Variants in SCRG1 observed in about 807,000 individuals in gnomAD.
SCRG1 encodes stimulator of chondrogenesis 1, also known as scrapie-responsive protein 1.
SCRG1 carries 3 observed loss-of-function variants against 7.7 expected under a neutral mutation model. The ratio of observed to expected loss-of-function variants is 0.39; its 90% CI spans 0.18 to 1.01. The LOEUF (loss-of-function observed/expected upper bound fraction) is 1.01. SCRG1 is among the 50% of genes least tolerant of loss of function. The probability of loss-of-function intolerance (pLI) is 0.36; values close to 1 mark genes in which losing one functional copy is unlikely to be tolerated. For synonymous variants in SCRG1, 46 were observed against 41.2 expected (o/e 1.12, Z -0.44); for missense variants, 110 against 117.2 (o/e 0.94, Z 0.28).
chr4:173,515,640 T>C, the SCRG1 span, among the ~76,000 whole-genome samples: 2 of 151,542 alleles, frequency 1.3e-5, no homozygotes, highest in Non-Finnish European at 2.9e-5. This position sits in a 1 kb window ranked among gnomAD's most constrained non-coding sequence, Gnocchi z 4.6. Context: ...GGTATGGAGG[T>C]CAGGCTGTGC....
the SCRG1 span, among the ~76,000 whole-genome samples, chr4:173,475,152 A>C: frequency 6.6e-6 from 1 of 152,180 alleles, no homozygotes; most frequent in Non-Finnish European, 1.5e-5. Flanking sequence ...AAGAGAAAAA[A>C]AAGAGCCTCT....
At chr4:173,485,382 C>G in the SCRG1 span, among the ~76,000 whole-genome samples, 1 of 149,730 alleles carries the variant, frequency 6.7e-6, no homozygotes, top group African/African-American at 2.5e-5. Flanking sequence ...CATGGCCCAG[C>G]TGACAGCCAA....
chr4:173,485,586 A>C, the SCRG1 span, among the ~76,000 whole-genome samples: 1 of 152,114 alleles, frequency 6.6e-6, no homozygotes. Context: ...ATAGTTTGTT[A>C]TACCATACTA....
intron 1 of SCRG1, among the ~76,000 whole-genome samples, chr4:173,396,503 C>A (rs1408371597): frequency 6.6e-6 from 1 of 152,154 alleles, no homozygotes; most frequent in Non-Finnish European, 1.5e-5. Flanking sequence ...AAGCAGAGTG[C>A]CTGCTTCAAT....
intron 1 of SCRG1, among the ~76,000 whole-genome samples, chr4:173,395,199 A>G (rs1004028371): frequency 6.6e-6 from 1 of 152,138 alleles, no homozygotes; most frequent in Non-Finnish European, 1.5e-5. Flanking sequence ...AATTTAAATG[A>G]TATATTTGTG....
At position 173,388,240 on chromosome 4, in the gene SCRG1, A is replaced by G; in HGVS notation, c.*101T>C. The G allele has an allele frequency of 1.5e-6, 1 of 653,602 alleles. No homozygotes were observed. The highest frequency in any genetic ancestry group is 2.6e-6 in the Non-Finnish European group (1 of 389,730). 40.5% of individuals were successfully genotyped at this position (653,602 alleles called of 1,614,324 possible). ...AGACAAGTAAGAATTTATAGAATCT[A>G]TGCTCTATTGCACTATATAGAAACT... is the stretch of plus-strand genomic sequence containing the variant. On this transcript the variant is annotated 3_prime_UTR_variant, in exon 3 of 3. Coordinates refer to ENST00000296506, the MANE Select transcript of SCRG1 (RefSeq NM_007281.4).
chr4:173,483,718 ATTG>A, the SCRG1 span, among the ~76,000 whole-genome samples: 253 of 1,520 alleles, frequency 0.17, 98 homozygotes, highest in Middle Eastern at 1. Context: ...GATATATTAT[ATTG>A]TGATATATCA....
At chr4:173,501,241 G>A in the SCRG1 span, among the ~76,000 whole-genome samples, 1 of 152,214 alleles carries the variant, frequency 6.6e-6, no homozygotes, top group Non-Finnish European at 1.5e-5. The surrounding 1 kb of genome is among the most constrained non-coding windows in gnomAD (Gnocchi z 5.1). Context: ...AAATGGTGAA[G>A]GAGATTGGCG....
At position 173,398,816 on chromosome 4, in the gene SCRG1, C is replaced by T. The variant is rs1392517171; in HGVS notation, c.-15+252G>A. ...AAATAAATGATAGTGAAGAATCTGC[C>T]TCTTTTTAAACCTGTAATGAAATGA... On this transcript the variant is annotated intron_variant, in intron 1 of 2. Transcript: ENST00000296506. Among the ~76,000 whole-genome samples the T allele has an allele frequency of 2.0e-5, 3 of 152,144 alleles. No homozygotes were observed. The East Asian group carries it at 5.8e-4, about 29-fold the overall frequency.
At chr4:173,467,111 A>G in the SCRG1 span, among the ~76,000 whole-genome samples, 2 of 152,202 alleles carry the variant, frequency 1.3e-5, no homozygotes, top group Non-Finnish European at 2.9e-5. Flanking sequence ...GATTTTAAAA[A>G]ACATTCCCCA....
chr4:173,491,660 C>T, the SCRG1 span, among the ~76,000 whole-genome samples: 1 of 152,194 alleles, frequency 6.6e-6, no homozygotes, highest in Admixed American at 6.5e-5. Flanking sequence ...GAGGAAATGA[C>T]TGTAATGTTG....
chr4:173,477,763 CTTCCTTCT>C, the SCRG1 span, among the ~76,000 whole-genome samples: 6 of 108,246 alleles, frequency 5.5e-5, no homozygotes, highest in East Asian at 1.2e-3. Flanking sequence ...TCCTTCCTTC[CTTCCTTCT>C]TTCCTTCCTT....
chr4:173,437,640 G>C, the SCRG1 span, among the ~76,000 whole-genome samples: 18 of 152,104 alleles, frequency 1.2e-4, no homozygotes, highest in African/African-American at 4.3e-4. Context: ...AAAGAAAACA[G>C]AAAAAAAGAA....
At chr4:173,462,281 G>A in the SCRG1 span, among the ~76,000 whole-genome samples, 3 of 151,998 alleles carry the variant, frequency 2.0e-5, no homozygotes, top group South Asian at 6.2e-4. Flanking sequence ...AAAGGTCAAG[G>A]ATAAAGAAAG....
chr4:173,484,556 T>C, the SCRG1 span, among the ~76,000 whole-genome samples: 1 of 83,876 alleles, frequency 1.2e-5, no homozygotes, highest in East Asian at 3.5e-4. Context: ...TTTTATATGT[T>C]ATATATTATG....
the SCRG1 span, among the ~76,000 whole-genome samples, chr4:173,480,861 A>G: frequency 2.0e-5 from 3 of 152,134 alleles, no homozygotes; most frequent in Non-Finnish European, 4.4e-5. Context: ...TGGCAAAATA[A>G]TAACAATTAT....
At chr4:173,518,590 G>T in the SCRG1 span, among the ~76,000 whole-genome samples, 1 of 152,002 alleles carries the variant, frequency 6.6e-6, no homozygotes, top group African/African-American at 2.4e-5. Flanking sequence ...TGGGCCGCAG[G>T]CTTCCCTGGA....
the SCRG1 span, among the ~76,000 whole-genome samples, chr4:173,442,634 A>G: frequency 6.6e-6 from 1 of 152,196 alleles, no homozygotes; most frequent in Non-Finnish European, 1.5e-5. Flanking sequence ...CCACAGACTG[A>G]GTAATTTGTA....
the SCRG1 span, among the ~76,000 whole-genome samples, chr4:173,487,183 C>A: frequency 2.6e-5 from 4 of 152,122 alleles, no homozygotes; most frequent in Non-Finnish European, 4.4e-5. Flanking sequence ...CTAATTGAGG[C>A]AAATCATGGA....
Sources: gnomAD v4.1 joint callset for allele counts (sites outside exome capture counted in the v4.1 genomes callset) on GRCh38, gnomAD v4.1.1 for gene constraint, Gnocchi (gnomAD v3.1) non-coding constraint, MANE v1.5 for transcripts, NCBI Gene and HGNC (gene_info 2026-07-23, HGNC 2026-07-21) for gene names.